Variants in COLGALT2 observed in about 807,000 individuals in gnomAD.
The protein encoded by COLGALT2 is collagen beta(1-O)galactosyltransferase 2.
A neutral mutation model predicts 73.4 loss-of-function variants in COLGALT2; 49 were observed. The observed-to-expected ratio is 0.67, with a 90% confidence interval of 0.53 to 0.85. The LOEUF is 0.85. COLGALT2 is among the 40% of genes least tolerant of loss of function. COLGALT2 has a pLI of 0.00. For synonymous variants in COLGALT2, 295 were observed against 307.6 expected (o/e 0.96, Z 0.43); for missense variants, 722 against 790.2 (o/e 0.91, Z 1.03).
chr1:183,999,613 C>A (rs1370928056), intron 1 of COLGALT2, among the ~76,000 whole-genome samples: 3 of 152,000 alleles, frequency 2.0e-5, no homozygotes, highest in African/African-American at 4.8e-5. Flanking sequence ...AGATTTTAAA[C>A]TACTGACTCA....
chr1:184,007,366 A>G (rs2102844094), intron 1 of COLGALT2, among the ~76,000 whole-genome samples: 1 of 152,352 alleles, frequency 6.6e-6, no homozygotes, highest in South Asian at 2.1e-4. Context: ...TAAAAGAGAT[A>G]TTTTGATAAG....
chr1:184,013,716 T>C (rs1648888134), intron 1 of COLGALT2, among the ~76,000 whole-genome samples: 1 of 151,664 alleles, frequency 6.6e-6, no homozygotes, highest in African/African-American at 2.4e-5. Context: ...GTCATGTAGC[T>C]TCCAGTGTGT....
intron 6 of COLGALT2, among the ~76,000 whole-genome samples, chr1:183,962,861 G>A (rs756714806): frequency 7.2e-5 from 11 of 152,134 alleles, no homozygotes; most frequent in South Asian, 4.1e-4. Flanking sequence ...CTTTTTGAGC[G>A]TGCCTGTCCT....
downstream of COLGALT2, among the ~76,000 whole-genome samples, chr1:183,931,525 G>T (rs576370592): frequency 6.6e-6 from 1 of 152,164 alleles, no homozygotes; most frequent in South Asian, 2.1e-4. Context: ...TGCCTGCAGC[G>T]GGAGAAACTC....
At chr1:183,991,026 A>G (rs1490527608) in intron 1 of COLGALT2, among the ~76,000 whole-genome samples, 1 of 152,254 alleles carries the variant, frequency 6.6e-6, no homozygotes, top group Non-Finnish European at 1.5e-5. Context: ...CAAAATATAC[A>G]TCATGTGCTG....
intron 1 of COLGALT2, among the ~76,000 whole-genome samples, chr1:184,017,622 G>C (rs577252189): frequency 6.6e-6 from 1 of 152,178 alleles, no homozygotes. Context: ...AAAACAAGAA[G>C]TATGATAGAG....
chr1:184,035,092 C>T (rs1649630181), intron 1 of COLGALT2, among the ~76,000 whole-genome samples: 1 of 152,214 alleles, frequency 6.6e-6, no homozygotes, highest in Non-Finnish European at 1.5e-5. Context: ...ACATAAAAGA[C>T]AACAGATTTC....
chr1:183,938,286 T>G lies in COLGALT2; in HGVS notation c.*475A>C, dbSNP rs1039576988. On this transcript the variant is annotated 3_prime_UTR_variant, in exon 12 of 12. Transcript: ENST00000361927. ...CCAAATAAATATGATTTTAAGTGAT[T>G]CCTGTCCCCCAAAAGTTGCACACAC... The G allele has an allele frequency of 2.0e-6, 2 of 988,762 alleles. No individual in the cohort carries two copies. Among genetic ancestry groups the G allele is most frequent in the Non-Finnish European group, 2.4e-6 (2 of 832,002 alleles). 61.2% of individuals were successfully genotyped at this position (988,762 alleles called of 1,614,324 possible). A position where few individuals can be genotyped will look rare whatever the true frequency, so the allele number is the denominator to read the frequency against.
intron 9 of COLGALT2, 136 bp downstream of exon 9, chr1:183,945,296 C>T (rs1258171629): frequency 1.9e-6 from 2 of 1,062,582 alleles, no homozygotes; most frequent in African/African-American, 3.1e-5. Flanking sequence ...GAGGGAGACA[C>T]AAGGCAGGAG....
chr1:183,970,902 C>A (rs1671019567), intron 4 of COLGALT2, among the ~76,000 whole-genome samples: 1 of 152,098 alleles, frequency 6.6e-6, no homozygotes, highest in African/African-American at 2.4e-5. Context: ...AGCAGTCTTC[C>A]AAGAGATAAA....
At chr1:184,025,904 G>A (rs1314426542) in intron 1 of COLGALT2, among the ~76,000 whole-genome samples, 1 of 152,200 alleles carries the variant, frequency 6.6e-6, no homozygotes, top group Non-Finnish European at 1.5e-5. Context: ...AGAGGAAAGT[G>A]TTAGGTCAGG....
At chr1:183,983,766 G>C (rs184819116) in intron 1 of COLGALT2, among the ~76,000 whole-genome samples, 1 of 152,188 alleles carries the variant, frequency 6.6e-6, no homozygotes, top group Non-Finnish European at 1.5e-5. Context: ...CAGTCTGAAG[G>C]CTCCTTGGAA....
chr1:183,944,297 A>G lies in COLGALT2; in HGVS notation c.1296T>C (p.Thr432=). The change falls in exon 10 of 12, where the codon ACT becomes ACC. Residue 432 remains threonine (T), a synonymous_variant. Transcript: ENST00000361927. The stretch of plus-strand genomic sequence containing the variant: ...AACGCACATCGTCTTCAATTACAAG[A>G]GTCTTCTCTAGCTCTCGATCAATTA... The part of the protein sequence containing the change: ...KEVIDRELEK[T]LVIEDDVRFE... The G allele has an allele frequency of 6.2e-7, 1 of 1,613,744 alleles. No homozygotes were observed.
intron 10 of COLGALT2, among the ~76,000 whole-genome samples, chr1:183,941,699 A>T (rs1670116985): frequency 6.6e-6 from 1 of 152,204 alleles, no homozygotes; most frequent in African/African-American, 2.4e-5. Flanking sequence ...GTCTATGTTC[A>T]ATCTTCAGTT....
intron 1 of COLGALT2, among the ~76,000 whole-genome samples, chr1:184,014,152 A>G (rs1415988996): frequency 1.3e-5 from 2 of 152,206 alleles, no homozygotes; most frequent in Non-Finnish European, 2.9e-5. Context: ...AACTGAAGCT[A>G]CAGGAACGGA....
intron 6 of COLGALT2, among the ~76,000 whole-genome samples, chr1:183,963,616 A>G (rs1670781271): frequency 1.3e-5 from 2 of 152,230 alleles, no homozygotes; most frequent in Non-Finnish European, 2.9e-5. Context: ...GTTTAAGTCC[A>G]CACCACAAAA....
chr1:183,939,074 G>A lies in COLGALT2; in HGVS notation c.1605-37C>T, dbSNP rs368701546. 47 of 1,540,112 alleles carry A rather than the reference G, an allele frequency of 3.1e-5. 1 individual carries two copies. The East Asian group carries it at 3.4e-4, about 11-fold the overall frequency. On this transcript the variant is annotated intron_variant, in intron 11 of 11. Coordinates refer to ENST00000361927, the MANE Select transcript of COLGALT2 (RefSeq NM_015101.4). ...AAGGTGGCCGGACACATGAGGGGGC[G>A]GAAAGGAGACTTACGGAACAGGGAC...
In COLGALT2 at chr1:183,964,034, A is replaced by G. The variant is rs767447075; in HGVS notation, c.833-14T>C. On this transcript the variant is annotated splice_polypyrimidine_tract_variant and intron_variant, in intron 5 of 11. Transcript: ENST00000361927. ...ACATCTGGATGCCTGAGGATCCAAG[A>G]GAGGGACAAAGCCAACAATCAGAAA... 13 of 1,612,320 alleles carry G rather than the reference A, an allele frequency of 8.1e-6. No individual in the cohort carries two copies. The African/African-American group carries it at 1.7e-4, about 22-fold the overall frequency.
intron 1 of COLGALT2, among the ~76,000 whole-genome samples, chr1:183,988,420 T>C (rs1671544128): frequency 6.6e-6 from 1 of 152,236 alleles, no homozygotes; most frequent in Non-Finnish European, 1.5e-5. Flanking sequence ...TTTTTAGTTG[T>C]GCAACCATCA....
Sources: gnomAD v4.1 joint callset for allele counts (sites outside exome capture counted in the v4.1 genomes callset) on GRCh38, gnomAD v4.1.1 for gene constraint, MANE v1.5 for transcripts, NCBI Gene and HGNC (gene_info 2026-07-23, HGNC 2026-07-21) for gene names.